NCOR2: variants seen among roughly 807,000 people sequenced by gnomAD.
NCOR2 encodes the protein CTG repeat protein 26.
NCOR2 carries 81 observed loss-of-function variants against 262.9 expected under a neutral mutation model. The ratio of observed to expected loss-of-function variants is 0.31; its 90% CI spans 0.26 to 0.37. The LOEUF (loss-of-function observed/expected upper bound fraction) is 0.37, where lower values mean the gene tolerates loss of function less well. Among genes scored for constraint, NCOR2 ranks in the 10% least tolerant of loss-of-function variants. NCOR2 has a pLI of 1.00. For missense variants in NCOR2, 3,385 were observed against 3,621.4 expected (o/e 0.93, Z 1.68); for synonymous variants, 1,659 against 1,559.3 (o/e 1.06, Z -1.51).
At chr12:124,526,741 G>A (rs771049281) in intron 1 of NCOR2, among the ~76,000 whole-genome samples, 3 of 152,120 alleles carry the variant, frequency 2.0e-5, no homozygotes, top group Non-Finnish European at 2.9e-5. Flanking sequence ...TGCGCTTCTC[G>A]GAGAGGACAG....
Position 124,422,491 on chromosome 12 carries a change from A to G in NCOR2, c.1383+10T>C, listed in dbSNP as rs199871205. 340 of 1,613,986 alleles carry G rather than the reference A, an allele frequency of 2.1e-4. No individual in the cohort carries two copies. Among genetic ancestry groups the G allele is most frequent in the Non-Finnish European group, 2.8e-4 (336 of 1,180,002 alleles). On this transcript the variant is annotated intron_variant, in intron 12 of 46. Transcript: ENST00000405201. ...GAGACCGAAGGGGTATGGGGCGGGC[A>G]GCGACTCACCTTCCTCTCCAGGAAT...
intron 1 of NCOR2, among the ~76,000 whole-genome samples, chr12:124,520,318 C>T (rs977556680): frequency 6.6e-6 from 1 of 152,256 alleles, no homozygotes; most frequent in Non-Finnish European, 1.5e-5. Flanking sequence ...GTCGCCAAGA[C>T]CAGGCGGGAC....
At chr12:124,364,682 A>G (rs969240330) in intron 20 of NCOR2, among the ~76,000 whole-genome samples, 4 of 152,294 alleles carry the variant, frequency 2.6e-5, no homozygotes, top group African/African-American at 4.8e-5. Context: ...CACCGGGTAT[A>G]GCACCTGCCA....
intron 1 of NCOR2, among the ~76,000 whole-genome samples, chr12:124,526,065 G>A (rs149412076): frequency 4.1e-4 from 62 of 152,276 alleles, no homozygotes; most frequent in African/African-American, 1.5e-3. Context: ...TTTGCTCTGT[G>A]CCAGGTCCTG....
chr12:124,412,090 T>C (rs1477933118), intron 13 of NCOR2, among the ~76,000 whole-genome samples: 1 of 152,216 alleles, frequency 6.6e-6, no homozygotes, highest in Non-Finnish European at 1.5e-5. Flanking sequence ...GCCACAAGGC[T>C]AAGCACCAGT....
At chr12:124,460,057 C>T (rs1211708793) in intron 5 of NCOR2, among the ~76,000 whole-genome samples, 2 of 152,340 alleles carry the variant, frequency 1.3e-5, no homozygotes, top group Non-Finnish European at 1.5e-5. Context: ...CGCAGCAGGG[C>T]GGTCCACCTC....
At position 124,402,393 on chromosome 12, in the gene NCOR2, G is replaced by A. The variant is rs763412233; in HGVS notation, c.1640+11C>T. The A allele has an allele frequency of 3.1e-6, 5 of 1,613,870 alleles. No individual in the cohort carries two copies. The African/African-American group carries it at 4.0e-5, about 13-fold the overall frequency. On this transcript the variant is annotated intron_variant, in intron 14 of 46. Coordinates refer to ENST00000405201, the Ensembl canonical transcript of NCOR2. ...CGGCCGGGCCCTGCAGGGGACAGCAGGCTGCCTTACTTGAGGAGGTCTTCC... is the reference window on the plus strand; with the variant it reads ...CGGCCGGGCCCTGCAGGGGACAGCAAGCTGCCTTACTTGAGGAGGTCTTCC...
chr12:124,524,472 T>C (rs1055261211), intron 1 of NCOR2, among the ~76,000 whole-genome samples: 2 of 152,038 alleles, frequency 1.3e-5, no homozygotes. Context: ...TGACTCTCCT[T>C]CTCCTTGGCT....
chr12:124,527,800 A>G (rs545979936), intron 1 of NCOR2, among the ~76,000 whole-genome samples: 32 of 152,244 alleles, frequency 2.1e-4, no homozygotes, highest in Non-Finnish European at 4.3e-4. Context: ...TGTCACTGCC[A>G]TGGGGTGCTC....
At chr12:124,369,707 G>A (rs1053136551) in intron 20 of NCOR2, among the ~76,000 whole-genome samples, 3 of 152,276 alleles carry the variant, frequency 2.0e-5, no homozygotes, top group South Asian at 2.1e-4. Flanking sequence ...CGCACAGGGC[G>A]GGACAAACCA....
At chr12:124,335,053 C>T in intron 40 of NCOR2, 82 bp downstream of exon 42, 1 of 1,596,872 alleles carries the variant, frequency 6.3e-7, no homozygotes, top group Non-Finnish European at 8.6e-7. Flanking sequence ...GACAGAAGGG[C>T]TGTGGGGTTC....
exon 20 of NCOR2, chr12:124,372,351 CTCCTCCTTG>C (rs774544379): frequency 4.0e-6 from 6 of 1,516,550 alleles, no homozygotes; most frequent in African/African-American, 1.4e-5. Context: ...CCTCCTCCTT[CTCCTCCTTG>C]GGGACCACAG....
In NCOR2 at chr12:124,335,469, T is replaced by C. The variant is rs1409656104; in HGVS notation, c.6265+14A>G. 5 of 1,600,674 alleles carry C rather than the reference T, an allele frequency of 3.1e-6. No homozygotes were observed. The Middle Eastern group carries it at 5.3e-4, about 169-fold the overall frequency. ...TGCAGGGCTTCGGGGGCCTGGGTAC[T>C]GGGTGGGGCGTACCTGGCTGCTTGG... On this transcript the variant is annotated intron_variant, in intron 39 of 46. Coordinates refer to ENST00000405201, the Ensembl canonical transcript of NCOR2.
At chr12:124,445,590 C>T (rs1206870441) in intron 7 of NCOR2, among the ~76,000 whole-genome samples, 1 of 152,178 alleles carries the variant, frequency 6.6e-6, no homozygotes, top group African/African-American at 2.4e-5. Flanking sequence ...GCAATGACAG[C>T]AGCGGGGGCG....
intron 3 of NCOR2, among the ~76,000 whole-genome samples, chr12:124,479,031 G>A (rs1593738005): frequency 6.6e-6 from 1 of 151,930 alleles, no homozygotes; most frequent in Non-Finnish European, 1.5e-5. Context: ...ACAGAGCAAC[G>A]GTAAGGGATG....
intron 11 of NCOR2, among the ~76,000 whole-genome samples, chr12:124,426,155 C>G (rs2043533956): frequency 6.6e-6 from 1 of 152,208 alleles, no homozygotes; most frequent in African/African-American, 2.4e-5. Flanking sequence ...AGTGTGTCCT[C>G]TTAAAATTCA....
chr12:124,430,590 G>A lies in NCOR2; in HGVS notation c.1055+25C>T, dbSNP rs199897166. ...GCTGACCCCGGGCCCTGACGTCGGG[G>A]GCCCTGGGCTCAGGCCCCGCTCACC... is the stretch of plus-strand genomic sequence containing the variant. On this transcript the variant is annotated intron_variant, in intron 9 of 46. Transcript: ENST00000405201. The A allele has an allele frequency of 4.8e-4, 760 of 1,586,904 alleles. 3 individuals carry two copies. In the African/African-American group the frequency reaches 7.2e-3, roughly 15 times the overall value.
intron 22 of NCOR2, among the ~76,000 whole-genome samples, chr12:124,358,110 C>A (rs570211842): frequency 1.1e-5 from 1 of 87,960 alleles, no homozygotes; most frequent in Non-Finnish European, 2.3e-5. Context: ...CGCGCACGTG[C>A]GTGCGTGTGA....
chr12:124,385,940 G>T (rs2040769251), intron 16 of NCOR2, 53 bp from the exon 19 acceptor site: 1 of 1,580,528 alleles, frequency 6.3e-7, no homozygotes. Flanking sequence ...CACGCAGAGG[G>T]GGCCTGCATC....
Sources: gnomAD v4.1 joint callset for allele counts (sites outside exome capture counted in the v4.1 genomes callset) on GRCh38, gnomAD v4.1.1 for gene constraint, MANE v1.5 for transcripts, NCBI Gene and HGNC (gene_info 2026-07-23, HGNC 2026-07-21) for gene names.